The following MDGA2 variants were observed in gnomAD, a reference collection of about 807,000 sequenced individuals.
The protein encoded by MDGA2 is MAM domain containing glycosylphosphatidylinositol anchor 2, also known as MAM domain-containing glycosylphosphatidylinositol anchor protein 2.
A neutral mutation model predicts 117.8 loss-of-function variants in MDGA2; 40 were observed. That is an observed-to-expected ratio of 0.34 (90% CI 0.26 to 0.44). The LOEUF (loss-of-function observed/expected upper bound fraction) is 0.44, where lower values mean the gene tolerates loss of function less well. Among genes scored for constraint, MDGA2 ranks in the 20% least tolerant of loss-of-function variants. MDGA2 has a pLI of 1.00. For missense variants in MDGA2, 1,123 were observed against 1,250.6 expected (o/e 0.90, Z 1.54); for synonymous variants, 452 against 439.0 (o/e 1.03, Z -0.37).
At chr14:47,439,459 T>C (rs1594857235) in intron 1 of MDGA2, among the ~76,000 whole-genome samples, 1 of 152,222 alleles carries the variant, frequency 6.6e-6, no homozygotes, top group East Asian at 1.9e-4. Context: ...CAAGAAACAT[T>C]TGTAAAATGA....
rs939079317 is a variant in MDGA2 at position 47,556,546 on chromosome 14, C to A, written c.280+117971G>T. 4.6e-5 allele frequency among the ~76,000 whole-genome samples: 7 copies of A among 152,282 alleles called. No homozygotes were observed. The South Asian group carries it at 1.4e-3, about 32-fold the overall frequency. Reference sequence around the variant, plus strand: ...CAAAATTTCATCACCTTGAGCAGAACAACAGAGAAACTAGATTATGTAAGT... The same window carrying A: ...CAAAATTTCATCACCTTGAGCAGAAAAACAGAGAAACTAGATTATGTAAGT... On this transcript the variant is annotated intron_variant, in intron 1 of 16. Transcript: ENST00000399232.
At chr14:47,022,261 GT>G (rs1373508011) in intron 8 of MDGA2, among the ~76,000 whole-genome samples, 1 of 151,892 alleles carries the variant, frequency 6.6e-6, no homozygotes, top group Non-Finnish European at 1.5e-5. Flanking sequence ...AATTTTTGTA[GT>G]TTTTTGCAGA....
chr14:47,409,635 A>G (rs966320118), intron 1 of MDGA2, among the ~76,000 whole-genome samples: 1 of 152,180 alleles, frequency 6.6e-6, no homozygotes, highest in East Asian at 1.9e-4. Flanking sequence ...ATCTTTTATG[A>G]CACAGCAGAG....
chr14:47,046,566 G>A (rs1042065795), intron 7 of MDGA2, among the ~76,000 whole-genome samples: 1 of 150,678 alleles, frequency 6.6e-6, no homozygotes, highest in East Asian at 2.0e-4. Context: ...AAACCTGCAT[G>A]TTGTGCACAT....
intron 1 of MDGA2, among the ~76,000 whole-genome samples, chr14:47,319,633 C>T (rs1165582196): frequency 6.6e-6 from 1 of 152,062 alleles, no homozygotes; most frequent in Non-Finnish European, 1.5e-5. Flanking sequence ...AGAGATACTT[C>T]CTAATAGATA....
intron 1 of MDGA2, among the ~76,000 whole-genome samples, chr14:47,584,708 A>C (rs542946235): frequency 7.6e-4 from 116 of 151,918 alleles, no homozygotes; most frequent in African/African-American, 2.8e-3. Context: ...TGAATATCCA[A>C]TCTTCAGTGA....
intron 2 of MDGA2, among the ~76,000 whole-genome samples, chr14:47,298,733 G>A (rs1889167547): frequency 7.0e-6 from 1 of 142,180 alleles, no homozygotes; most frequent in Non-Finnish European, 1.5e-5. Context: ...CGCCCAGGCT[G>A]GAGTGCAGTG....
At chr14:47,180,932 A>G (rs572338385) in intron 3 of MDGA2, among the ~76,000 whole-genome samples, 2 of 152,250 alleles carry the variant, frequency 1.3e-5, no homozygotes, top group South Asian at 4.1e-4. Flanking sequence ...AAACAAACAA[A>G]CAAAAAAATA....
chr14:47,500,204 GAT>G (rs1894371648), intron 1 of MDGA2, among the ~76,000 whole-genome samples: 2 of 152,112 alleles, frequency 1.3e-5, no homozygotes, highest in African/African-American at 4.8e-5. Flanking sequence ...GAACTCCTTG[GAT>G]ATTTTAAAAG....
intron 2 of MDGA2, among the ~76,000 whole-genome samples, chr14:47,219,986 A>G (rs1307869621): frequency 6.6e-6 from 1 of 152,126 alleles, no homozygotes; most frequent in Admixed American, 6.6e-5. Context: ...TTACTTTACC[A>G]GAAGCAAATA....
intron 5 of MDGA2, among the ~76,000 whole-genome samples, chr14:47,098,992 C>T (rs1880146289): frequency 6.6e-6 from 1 of 151,874 alleles, no homozygotes; most frequent in Admixed American, 6.6e-5. Flanking sequence ...AACTATAATA[C>T]ATTTTAGAAC....
intron 2 of MDGA2, among the ~76,000 whole-genome samples, chr14:47,267,930 T>C (rs1256529093): frequency 6.6e-6 from 1 of 152,216 alleles, no homozygotes; most frequent in Non-Finnish European, 1.5e-5. Context: ...TTAACAAACA[T>C]TTATTGGTAG....
At chr14:47,641,470 T>C (rs1173583893) in intron 1 of MDGA2, among the ~76,000 whole-genome samples, 1 of 151,922 alleles carries the variant, frequency 6.6e-6, no homozygotes, top group Non-Finnish European at 1.5e-5. Context: ...GAAAATACTA[T>C]AATGAGGATC....
chr14:47,346,953 TTGGTACCTATCTGAAAA>T (rs1890774818), intron 1 of MDGA2, among the ~76,000 whole-genome samples: 1 of 152,082 alleles, frequency 6.6e-6, no homozygotes, highest in African/African-American at 2.4e-5. Flanking sequence ...TGAAAAAAAC[TTGGTACCTATCTGAAAA>T]TGGAAAGATG....
At position 47,185,616 on chromosome 14, in the gene MDGA2, G is replaced by A. The variant is rs190571915; in HGVS notation, c.595+32405C>T. Reference sequence around the variant, plus strand: ...AAAAGAAACATGTAGACAATTTACAGAGAATGTTTACCAAATTACCTAGGA... The same window carrying A: ...AAAAGAAACATGTAGACAATTTACAAAGAATGTTTACCAAATTACCTAGGA... On this transcript the variant is annotated intron_variant, in intron 3 of 16. Coordinates refer to ENST00000399232, the MANE Select transcript of MDGA2 (RefSeq NM_001113498.3). 1.8e-3 allele frequency among the ~76,000 whole-genome samples: 266 copies of A among 151,624 alleles called. 3 individuals carry two copies. The highest frequency in any genetic ancestry group is 9.0e-4 in the Non-Finnish European group (61 of 67,556).
intron 8 of MDGA2, among the ~76,000 whole-genome samples, chr14:46,963,421 C>T (rs74445008): frequency 0.061 from 9,261 of 152,300 alleles, 305 homozygotes; most frequent in Non-Finnish European, 0.073. Context: ...TTTATGGACT[C>T]ACCCTTGTTT....
chr14:47,225,702 A>G (rs969807861), intron 2 of MDGA2, among the ~76,000 whole-genome samples: 1 of 151,966 alleles, frequency 6.6e-6, no homozygotes, highest in Non-Finnish European at 1.5e-5. Context: ...TAGGAGATAT[A>G]CCTAATGCTA....
chr14:47,465,452 C>T (rs1893582306), intron 1 of MDGA2, among the ~76,000 whole-genome samples: 1 of 151,998 alleles, frequency 6.6e-6, no homozygotes, highest in Admixed American at 6.6e-5. Flanking sequence ...GGTCTAATAT[C>T]CAGAGTCTAC....
chr14:47,195,729 G>A (rs1352493632), intron 3 of MDGA2, among the ~76,000 whole-genome samples: 1 of 151,998 alleles, frequency 6.6e-6, no homozygotes, highest in East Asian at 1.9e-4. Context: ...TTGAAAGAAA[G>A]GCAGCTGAGG....
Sources: allele counts gnomAD v4.1 joint callset (sites outside exome capture counted in the v4.1 genomes callset), GRCh38; gene constraint gnomAD v4.1.1; transcripts MANE v1.5; gene names NCBI Gene and HGNC (gene_info 2026-07-23, HGNC 2026-07-21).